Variants in TENT4B observed in about 807,000 individuals in gnomAD.
TENT4B encodes the protein terminal nucleotidyltransferase 4B.
A neutral mutation model predicts 75.0 loss-of-function variants in TENT4B; 10 were observed. The ratio of observed to expected loss-of-function variants is 0.13; its 90% CI spans 0.08 to 0.23. The LOEUF is 0.23. Ranked by LOEUF, TENT4B falls within the 10% of genes least tolerant of loss-of-function variation. TENT4B has a pLI of 1.00. For missense variants in TENT4B, 579 were observed against 893.8 expected (o/e 0.65, Z 4.49); for synonymous variants, 350 against 357.7 (o/e 0.98, Z 0.24).
At chr16:50,159,905 T>C (rs1027594441) in intron 1 of TENT4B, among the ~76,000 whole-genome samples, 1 of 152,256 alleles carries the variant, frequency 6.6e-6, no homozygotes, top group Admixed American at 6.5e-5. Context: ...TTTTGTTTTG[T>C]TTTTGTTTTT....
intron 1 of TENT4B, among the ~76,000 whole-genome samples, chr16:50,159,079 C>T (rs368389627): frequency 7.9e-5 from 12 of 152,104 alleles, no homozygotes; most frequent in African/African-American, 2.7e-4. Context: ...TCTTCACTGC[C>T]GTAGGGCAGT....
intron 1 of TENT4B, among the ~76,000 whole-genome samples, chr16:50,193,919 C>G (rs1211159603): frequency 6.6e-6 from 1 of 152,198 alleles, no homozygotes; most frequent in Non-Finnish European, 1.5e-5. Flanking sequence ...TTCCCGGCCA[C>G]TGGGCTTAGC....
intron 1 of TENT4B, among the ~76,000 whole-genome samples, chr16:50,184,757 C>T (rs1225538854): frequency 6.6e-6 from 1 of 151,962 alleles, no homozygotes; most frequent in Non-Finnish European, 1.5e-5. Context: ...GAGCGGAGGG[C>T]ACAGTCTCAC....
In TENT4B at chr16:50,153,447, GC is replaced by G; in HGVS notation, c.-173del. 1 of 906,016 alleles carries G rather than the reference GC, an allele frequency of 1.1e-6. No homozygotes were observed. The highest frequency in any genetic ancestry group is 1.3e-6 in the Non-Finnish European group (1 of 760,406). The allele number at this position is 906,016 out of a possible 1,614,324, so 56.1% of individuals were successfully genotyped here. A position where few individuals can be genotyped will look rare whatever the true frequency, so the allele number is the denominator to read the frequency against. On this transcript the variant is annotated 5_prime_UTR_variant, in exon 1 of 12. Coordinates refer to ENST00000561678, the MANE Select transcript of TENT4B (RefSeq NM_001365324.3). ...GGCGGGAGCGACGCCGCCGGCGCCGGCCGGGCTCCCTGCGCGACCGCGCCGC... is the reference window on the plus strand; with the variant it reads ...GGCGGGAGCGACGCCGCCGGCGCCGGCGGGCTCCCTGCGCGACCGCGCCGC...
At position 50,153,642 on chromosome 16, in the gene TENT4B, G is replaced by T; in HGVS notation, c.21G>T (p.Trp7Cys). The T allele has an allele frequency of 7.9e-6, 8 of 1,008,832 alleles. No individual in the cohort carries two copies. The highest frequency in any genetic ancestry group is 9.5e-6 in the Non-Finnish European group (8 of 846,352). The allele number at this position is 1,008,832 out of a possible 1,614,324, so 62.5% of individuals were successfully genotyped here. The change falls in exon 1 of 12, where the codon TGG (tryptophan) becomes TGT (cysteine). Residue 7 changes from tryptophan to cysteine, a missense_variant. Trp to Cys is a radical substitution (Grantham distance 215). This residue lies in a region of TENT4B where 253 missense variants were observed against 270.1 expected (regional missense o/e 0.94). Transcript: ENST00000561678. MDPRIA[W>C]FQPEQLGPSN... ...GTTTGATGGATCCGAGGATCGCCTG[G>T]TTTCAGCCAGAGCAGCTCGGACCGT...
intron 1 of TENT4B, among the ~76,000 whole-genome samples, chr16:50,186,402 G>A (rs756480677): frequency 1.4e-4 from 22 of 151,948 alleles, no homozygotes; most frequent in Non-Finnish European, 3.1e-4. Context: ...TTGTCCATGT[G>A]GTAGCTTGTA....
rs533316107 is a variant in TENT4B, at chr16:50,189,939, A to G, written c.639-21384A>G. The stretch of plus-strand genomic sequence containing the variant: ...TAAAAATGCAAAATTAGCCTGGCGT[A>G]GTGGTGCATGCCTGTAATCCTAGCT... On this transcript the variant is annotated intron_variant, in intron 1 of 11. Transcript: ENST00000561678. Among the ~76,000 whole-genome samples the G allele has an allele frequency of 3.3e-5, 5 of 151,640 alleles. No individual in the cohort carries two copies. The South Asian group carries it at 1.0e-3, about 32-fold the overall frequency.
chr16:50,214,166 TA>T, intron 2 of TENT4B, 54 bp from the exon 3 acceptor site: 1 of 1,351,488 alleles, frequency 7.4e-7, no homozygotes, highest in South Asian at 1.2e-5. Context: ...GGTGACTCAA[TA>T]TGATAACAAC....
chr16:50,177,464 G>A (rs1388720868), intron 1 of TENT4B, among the ~76,000 whole-genome samples: 1 of 152,132 alleles, frequency 6.6e-6, no homozygotes, highest in East Asian at 1.9e-4. Flanking sequence ...TTAATACATT[G>A]TGTCTTTCAA....
At chr16:50,202,337 A>G (rs1052443960) in intron 1 of TENT4B, among the ~76,000 whole-genome samples, 1 of 152,214 alleles carries the variant, frequency 6.6e-6, no homozygotes, top group African/African-American at 2.4e-5. Context: ...CAGCCCTTCC[A>G]CTAAAGGTAA....
chr16:50,204,991 C>T (rs2030866542), intron 1 of TENT4B, among the ~76,000 whole-genome samples: 1 of 152,174 alleles, frequency 6.6e-6, no homozygotes, highest in Admixed American at 6.5e-5. Context: ...CCATATCACC[C>T]TCTTTCGAAG....
intron 5 of TENT4B, among the ~76,000 whole-genome samples, chr16:50,219,624 T>G (rs934660290): frequency 3.9e-5 from 6 of 152,222 alleles, no homozygotes; most frequent in African/African-American, 1.4e-4. Context: ...AAAATTCTGT[T>G]GGATATTTCC....
At chr16:50,217,505 A>G in intron 4 of TENT4B, 51 bp from the exon 5 acceptor site, 1 of 1,001,008 alleles carries the variant, frequency 1.0e-6, no homozygotes, top group Non-Finnish European at 1.4e-6. Flanking sequence ...CCCTGATTTT[A>G]TCATTTAATC....
At chr16:50,219,796 C>T (rs901604794) in intron 5 of TENT4B, among the ~76,000 whole-genome samples, 2 of 148,586 alleles carry the variant, frequency 1.3e-5, no homozygotes, top group Non-Finnish European at 3.0e-5. Context: ...TTCCCCTTTC[C>T]CTTTTCCTTC....
chr16:50,214,191 A>G (rs368165920), intron 2 of TENT4B, 30 bp from the exon 3 acceptor site: 12 of 1,506,972 alleles, frequency 8.0e-6, no homozygotes, highest in Non-Finnish European at 1.0e-5. Context: ...TGATAACTCA[A>G]TATAATAACA....
chr16:50,156,844 T>C (rs1327164805), intron 1 of TENT4B, among the ~76,000 whole-genome samples: 3 of 151,990 alleles, frequency 2.0e-5, no homozygotes, highest in Non-Finnish European at 4.4e-5. Flanking sequence ...TTACTTTTTG[T>C]AGAGATGGGG....
chr16:50,175,068 A>G (rs1015151628), intron 1 of TENT4B, among the ~76,000 whole-genome samples: 1 of 152,046 alleles, frequency 6.6e-6, no homozygotes, highest in Admixed American at 6.6e-5. Context: ...AGCCTCTGGT[A>G]TCTATCATTC....
intron 1 of TENT4B, among the ~76,000 whole-genome samples, chr16:50,205,115 C>T (rs1279481076): frequency 6.6e-6 from 1 of 152,278 alleles, no homozygotes; most frequent in South Asian, 2.1e-4. Flanking sequence ...TGGTAATTAA[C>T]ATGTATGCAT....
intron 1 of TENT4B, among the ~76,000 whole-genome samples, chr16:50,192,262 G>T (rs1437712664): frequency 6.6e-6 from 1 of 151,430 alleles, no homozygotes; most frequent in Non-Finnish European, 1.5e-5. Flanking sequence ...ATTAATAAAT[G>T]TGATCTTTTT....
Sources: allele counts gnomAD v4.1 joint callset (sites outside exome capture counted in the v4.1 genomes callset), GRCh38; gene constraint gnomAD v4.1.1; regional missense constraint gnomAD v4.1.1; transcripts MANE v1.5; gene names NCBI Gene and HGNC (gene_info 2026-07-23, HGNC 2026-07-21).